Variants in MX2 observed in about 807,000 individuals in gnomAD.
MX2 encodes the protein MX dynamin like GTPase 2.
MX2 carries 51 observed loss-of-function variants against 74.0 expected under a neutral mutation model. The ratio of observed to expected loss-of-function variants is 0.69; its 90% confidence interval spans 0.55 to 0.87. The LOEUF (loss-of-function observed/expected upper bound fraction) is 0.87. MX2 is among the 40% of genes least tolerant of loss of function. The pLI, the probability that MX2 is intolerant of heterozygous loss-of-function variation, is 0.00. For missense variants in MX2, 832 were observed against 908.7 expected (o/e 0.92, Z 1.09); for synonymous variants, 369 against 339.3 (o/e 1.09, Z -0.96).
At position 41,402,347 on chromosome 21, in the gene MX2, C is replaced by T. The variant is rs978258357; in HGVS notation, c.1573+219C>T. 9.7e-6 allele frequency: 5 copies of T among 517,510 alleles called. No homozygotes were observed. The highest frequency in any genetic ancestry group is 7.4e-5 in the Admixed American group (2 of 26,854). 32.1% of individuals were successfully genotyped at this position (517,510 alleles called of 1,614,324 possible). ...GATTCTGCCCTTCTGCCTGAGAACT[C>T]GTACTGAGGTTTCCAGGAGATGGGG... On this transcript the variant is annotated intron_variant, in intron 11 of 13. Transcript: ENST00000330714. This position sits in a 1 kb window ranked among gnomAD's most constrained non-coding sequence, Gnocchi z 4.5.
At chr21:41,364,726 G>A (rs1315040589) in intron 1 of MX2, 2 of 152,194 alleles carry the variant, frequency 1.3e-5, no homozygotes, top group Non-Finnish European at 2.9e-5. Context: ...TGCAGCCTGA[G>A]GAGCAAGGGG....
chr21:41,362,740 G>GTTT (rs796852034), intron 1 of MX2, among the ~76,000 whole-genome samples: 3 of 113,134 alleles, frequency 2.7e-5, no homozygotes, highest in Admixed American at 9.1e-5. Flanking sequence ...TGATGACGCA[G>GTTT]TTTTTTTTTC....
chr21:41,376,759 G>T (rs931642682), intron 1 of MX2, 77 bp from the exon 2 acceptor site: 28 of 1,118,342 alleles, frequency 2.5e-5, no homozygotes, highest in Non-Finnish European at 3.5e-5. Flanking sequence ...GTGGGGTGAG[G>T]AGGGGTTGGC....
At position 41,395,612 on chromosome 21, in the gene MX2, G is replaced by A. The variant is rs752305928; in HGVS notation, c.897G>A (p.Met299Ile). Residue 299 changes from methionine to isoleucine, a missense_variant, in exon 7 of 14, where the codon ATG (methionine) becomes ATA (isoleucine). Physicochemically the swap from Met to Ile is conservative, Grantham distance 10 (BLOSUM62 1). Transcript: ENST00000330714. ...GTATCCTGACCAAACCAGATCTAAT[G>A]GACAGGGGCACTGAGAAAAGCGTCA... ...TIGILTKPDL[M>I]DRGTEKSVMN... The A allele has an allele frequency of 1.2e-6, 2 of 1,614,046 alleles. No homozygotes were observed. Among genetic ancestry groups the A allele is most frequent in the East Asian group, 2.2e-5 (1 of 44,896 alleles).
intron 5 of MX2, among the ~76,000 whole-genome samples, chr21:41,384,421 G>A (rs1425845595): frequency 4.6e-5 from 7 of 152,170 alleles, no homozygotes; most frequent in South Asian, 2.1e-4. Context: ...TGGTTGAGAC[G>A]GCAAAATTTT....
intron 1 of MX2, among the ~76,000 whole-genome samples, chr21:41,367,862 T>A (rs971657761): frequency 6.6e-6 from 1 of 152,160 alleles, no homozygotes. Context: ...GACCTGGCCC[T>A]CAGTAGCTCC....
rs1601404294 is a variant in MX2 at position 41,380,078 on chromosome 21, C to T, written c.504C>T (p.Ala168=). ...KLKKQPCEAW[A]GRISYRNTEL... The stretch of plus-strand genomic sequence containing the variant: ...AAAAGCAGCCCTGTGAGGCATGGGC[C>T]GGAAGGATCAGCTACCGGAACACCG... Residue 168 remains alanine (A), a synonymous_variant, in exon 4 of 14, where the codon GCC becomes GCT. Coordinates refer to ENST00000330714, the MANE Select transcript of MX2 (RefSeq NM_002463.2). This position sits in a 1 kb window ranked among gnomAD's most constrained non-coding sequence, Gnocchi z 4.3. 9 of 1,613,890 alleles carry T rather than the reference C, an allele frequency of 5.6e-6. No homozygotes were observed. The highest frequency in any genetic ancestry group is 2.2e-5 in the South Asian group (2 of 91,084).
At chr21:41,396,948 A>G (rs1015850615) in intron 7 of MX2, among the ~76,000 whole-genome samples, 10 of 152,150 alleles carry the variant, frequency 6.6e-5, no homozygotes, top group Non-Finnish European at 1.2e-4. Flanking sequence ...CTCCTGGTTG[A>G]GGCTAATGTT....
At chr21:41,397,439 C>A (rs1193045018) in intron 7 of MX2, among the ~76,000 whole-genome samples, 174 bp from the exon 8 acceptor site, 2 of 144,642 alleles carry the variant, frequency 1.4e-5, no homozygotes, top group Non-Finnish European at 3.0e-5. Context: ...GCTTCCTGGC[C>A]CACAGTTGCC....
Position 41,401,966 on chromosome 21 carries a change from G to A in MX2, c.1415-4G>A. 1 of 1,611,944 alleles carries A rather than the reference G, an allele frequency of 6.2e-7. No individual in the cohort carries two copies. The highest frequency in any genetic ancestry group is 8.5e-7 in the Non-Finnish European group (1 of 1,179,056). ...TCACCATGGAGGTCTGTTTGATGTT[G>A]CAGTTAAAAATATTATCCACGAAGA... On this transcript the variant is annotated splice_polypyrimidine_tract_variant and splice_region_variant and intron_variant, in intron 10 of 13. Coordinates refer to ENST00000330714, the MANE Select transcript of MX2 (RefSeq NM_002463.2).
intron 5 of MX2, among the ~76,000 whole-genome samples, chr21:41,386,230 A>C (rs891865605): frequency 9.4e-5 from 14 of 149,728 alleles, no homozygotes; most frequent in Non-Finnish European, 1.5e-4. Context: ...AAAAAAAAAA[A>C]AAAAAAAAAA....
Position 41,368,661 on chromosome 21 carries a change from C to T in MX2, c.-72+6606C>T, listed in dbSNP as rs77553801. 1.1e-3 allele frequency among the ~76,000 whole-genome samples: 171 copies of T among 152,174 alleles called. No homozygotes were observed. The highest frequency in any genetic ancestry group is 3.9e-3 in the African/African-American group (163 of 41,522). On this transcript the variant is annotated intron_variant, in intron 1 of 13. Coordinates refer to ENST00000330714, the MANE Select transcript of MX2 (RefSeq NM_002463.2). This position sits in a 1 kb window ranked among gnomAD's most constrained non-coding sequence, Gnocchi z 4.6. ...AAAATGAGGGTGAGGGTGAGGGTGG[C>T]GACAGTTTTAAATATGTTTTAAAAG...
intron 8 of MX2, 23 bp from the exon 9 acceptor site, chr21:41,398,874 T>G (rs781086650): frequency 1.2e-6 from 2 of 1,607,138 alleles, no homozygotes; most frequent in Non-Finnish European, 1.7e-6. Context: ...CGCAGTTTGA[T>G]TGTTTGCAAT....
At chr21:41,369,466 C>G (rs2089296443) in intron 1 of MX2, among the ~76,000 whole-genome samples, 2 of 152,182 alleles carry the variant, frequency 1.3e-5, no homozygotes, top group Non-Finnish European at 2.9e-5. Flanking sequence ...AGAGGGCAGT[C>G]CAGGTCATCA....
chr21:41,373,251 G>A (rs1178055197), intron 1 of MX2, among the ~76,000 whole-genome samples: 1 of 152,222 alleles, frequency 6.6e-6, no homozygotes, highest in Non-Finnish European at 1.5e-5. Context: ...CTGCAGCTCA[G>A]AGAGAGCAAG....
rs149615349 is a variant in MX2, at chr21:41,375,589, C to T, written c.-71-1247C>T. Among the ~76,000 whole-genome samples, 107 of 152,358 alleles carry T rather than the reference C, an allele frequency of 7.0e-4. 2 individuals are homozygous for T. The East Asian group carries it at 0.016, about 23-fold the overall frequency. Reference sequence around the variant, plus strand: ...ACTGCAGTCTCTGCCTCTGTCTTCACAGGCCCTTCTCCCTGTGTGTCTCCA... The same window carrying T: ...ACTGCAGTCTCTGCCTCTGTCTTCATAGGCCCTTCTCCCTGTGTGTCTCCA... On this transcript the variant is annotated intron_variant, in intron 1 of 13. Coordinates refer to ENST00000330714, the MANE Select transcript of MX2 (RefSeq NM_002463.2).
intron 1 of MX2, among the ~76,000 whole-genome samples, chr21:41,372,456 A>G (rs1300050809): frequency 1.3e-5 from 2 of 152,158 alleles, no homozygotes; most frequent in Non-Finnish European, 2.9e-5. Context: ...AATGGATCCA[A>G]TTTTCTTTCT....
Position 41,408,245 on chromosome 21 carries a change from GC to G in MX2, c.*14del. ...AAGAGATCCACTGAAGGGCGGCGATGCCTGTGGTTGTTTTCTTGTGCGTACT... is the reference window on the plus strand; with the variant it reads ...AAGAGATCCACTGAAGGGCGGCGATGCTGTGGTTGTTTTCTTGTGCGTACT... On this transcript the variant is annotated 3_prime_UTR_variant, in exon 14 of 14. Transcript: ENST00000330714. 1 of 1,612,774 alleles carries G rather than the reference GC, an allele frequency of 6.2e-7. No individual in the cohort carries two copies. Among genetic ancestry groups the G allele is most frequent in the Non-Finnish European group, 8.5e-7 (1 of 1,179,036 alleles).
At position 41,399,250 on chromosome 21, in the gene MX2, G is replaced by A; in HGVS notation, c.1327G>A (p.Val443Ile). 1 of 1,613,976 alleles carries A rather than the reference G, an allele frequency of 6.2e-7. No individual in the cohort carries two copies. Among genetic ancestry groups the A allele is most frequent in the Non-Finnish European group, 8.5e-7 (1 of 1,179,848 alleles). Residue 443 changes from valine to isoleucine, a missense_variant, in exon 10 of 14, where the codon GTA becomes ATA. By Grantham distance (29) the Val-to-Ile change is conservative. Coordinates refer to ENST00000330714, the MANE Select transcript of MX2 (RefSeq NM_002463.2). The part of the protein sequence containing the change: ...IEKLVEGEEV[V>I]RENETRLYNK... ...AAAGTTAGTAGAAGGAGAAGAAGTT[G>A]TAAGGGAGAATGAGACCCGTTTATA...
Sources: allele counts gnomAD v4.1 joint callset (sites outside exome capture counted in the v4.1 genomes callset), GRCh38; gene constraint gnomAD v4.1.1; non-coding constraint Gnocchi (gnomAD v3.1); transcripts MANE v1.5; gene names NCBI Gene and HGNC (gene_info 2026-07-23, HGNC 2026-07-21).